The following FER variants were observed in gnomAD, a reference collection of about 807,000 sequenced individuals.
FER encodes the protein tyrosine-protein kinase Fer.
A neutral mutation model predicts 111.0 loss-of-function variants in FER; 63 were observed. The ratio of observed to expected loss-of-function variants is 0.57; its 90% confidence interval spans 0.46 to 0.70. FER has a LOEUF of 0.70. FER is among the 30% of genes least tolerant of loss of function. The pLI is 0.00. For missense variants in FER, 914 were observed against 954.0 expected, an observed-to-expected ratio of 0.96 and a Z score of 0.55; for synonymous variants, 327 against 313.9, an observed-to-expected ratio of 1.04 and a Z score of -0.44.
chr5:109,053,910 C>T (rs1773258958), intron 16 of FER, among the ~76,000 whole-genome samples: 1 of 151,980 alleles, frequency 6.6e-6, no homozygotes, highest in Non-Finnish European at 1.5e-5. Flanking sequence ...CCAGGATGGT[C>T]TCGATCTCCT....
chr5:109,080,766 A>C (rs974060522), intron 16 of FER, among the ~76,000 whole-genome samples: 1 of 152,144 alleles, frequency 6.6e-6, no homozygotes, highest in Non-Finnish European at 1.5e-5. Flanking sequence ...TGAGTAAAAC[A>C]TTATTCTCAG....
chr5:109,146,592 A>T (rs1754242961), intron 17 of FER, among the ~76,000 whole-genome samples: 1 of 151,954 alleles, frequency 6.6e-6, no homozygotes, highest in African/African-American at 2.4e-5. Flanking sequence ...TTAAATTATG[A>T]ACATATATGA....
At chr5:108,880,216 C>T (rs1765547359) in intron 8 of FER, among the ~76,000 whole-genome samples, 1 of 151,774 alleles carries the variant, frequency 6.6e-6, no homozygotes, top group South Asian at 2.1e-4. Flanking sequence ...GGAAAATTAA[C>T]CAGGAAGAGA....
intron 9 of FER, among the ~76,000 whole-genome samples, chr5:108,887,413 A>G (rs922317949): frequency 2.6e-5 from 4 of 151,748 alleles, no homozygotes; most frequent in African/African-American, 9.7e-5. Flanking sequence ...AATAAACTTC[A>G]AGAATGGCTT....
At chr5:108,793,519 C>CGGGGGGGGGGGG (rs144848588) in intron 2 of FER, among the ~76,000 whole-genome samples, 1 of 103,152 alleles carries the variant, frequency 9.7e-6, no homozygotes. Context: ...TTTGGCGGGG[C>CGGGGGGGGGGGG]GGGGGGGGTG....
At chr5:108,893,077 A>G (rs1748415240) in intron 9 of FER, among the ~76,000 whole-genome samples, 1 of 152,092 alleles carries the variant, frequency 6.6e-6, no homozygotes, top group African/African-American at 2.4e-5. Context: ...GTAGCCTTGT[A>G]GTATAGTTTG....
At chr5:109,157,854 A>G (rs1755567306) in intron 17 of FER, among the ~76,000 whole-genome samples, 1 of 152,076 alleles carries the variant, frequency 6.6e-6, no homozygotes, top group Admixed American at 6.6e-5. Context: ...TTGAGGTTCC[A>G]ACTCACATAA....
chr5:108,824,879 A>G (rs1759286046), intron 3 of FER, among the ~76,000 whole-genome samples: 1 of 152,156 alleles, frequency 6.6e-6, no homozygotes, highest in Non-Finnish European at 1.5e-5. Context: ...AGGACAGAGT[A>G]CAAAAGAGAT....
intron 13 of FER, among the ~76,000 whole-genome samples, chr5:109,031,551 T>G (rs544171272): frequency 4.6e-5 from 7 of 152,306 alleles, no homozygotes; most frequent in African/African-American, 1.4e-4. Flanking sequence ...TCTATAAGAT[T>G]AAGTGAATAC....
intron 5 of FER, among the ~76,000 whole-genome samples, chr5:108,864,176 TA>T (rs148809030): frequency 1.3e-5 from 2 of 152,152 alleles, no homozygotes. Context: ...TTAAACTCTT[TA>T]AAAAAATTAT....
At chr5:109,146,271 T>TATATATATATTATCTATCTA (rs1561954056) in intron 17 of FER, among the ~76,000 whole-genome samples, 12 of 55,010 alleles carry the variant, frequency 2.2e-4, no homozygotes, top group Admixed American at 8.4e-4. Flanking sequence ...TATATATATA[T>TATATATATATTATCTATCTA]ATATATATAT....
At chr5:108,810,965 A>G (rs1458139484) in intron 3 of FER, among the ~76,000 whole-genome samples, 1 of 151,772 alleles carries the variant, frequency 6.6e-6, no homozygotes, top group East Asian at 1.9e-4. Context: ...AGAGGGCCCT[A>G]TTGCCCCATG....
chr5:108,762,409 A>G (rs1275642269), intron 1 of FER, among the ~76,000 whole-genome samples: 13 of 152,128 alleles, frequency 8.5e-5, no homozygotes, highest in Admixed American at 7.2e-4. Context: ...CCCTACTTCT[A>G]TCATCCTGGT....
intron 9 of FER, among the ~76,000 whole-genome samples, chr5:108,890,618 C>T (rs1747885113): frequency 6.6e-6 from 1 of 151,996 alleles, no homozygotes; most frequent in South Asian, 2.1e-4. Flanking sequence ...CAGTCTTTTC[C>T]ATTAATGGCC....
At chr5:108,769,916 T>A (rs1407270408) in intron 2 of FER, among the ~76,000 whole-genome samples, 1 of 151,890 alleles carries the variant, frequency 6.6e-6, no homozygotes, top group Non-Finnish European at 1.5e-5. Context: ...TAATACTTTA[T>A]TTTGCTTTTT....
chr5:108,984,268 G>A (rs1458170194), intron 13 of FER, among the ~76,000 whole-genome samples: 1 of 151,940 alleles, frequency 6.6e-6, no homozygotes, highest in African/African-American at 2.4e-5. Context: ...AGATCTAGAG[G>A]AATATAGAAA....
At chr5:108,865,689 G>C (rs1235527470) in intron 5 of FER, among the ~76,000 whole-genome samples, 2 of 152,120 alleles carry the variant, frequency 1.3e-5, no homozygotes, top group African/African-American at 4.8e-5. Context: ...CTACTCATCT[G>C]ACAAAGGGCT....
chr5:108,756,170 A>T (rs899700371), intron 1 of FER, among the ~76,000 whole-genome samples: 32 of 143,282 alleles, frequency 2.2e-4, no homozygotes, highest in Admixed American at 4.1e-4. Flanking sequence ...AAAAAAAAAA[A>T]AAATAATAAT....
chr5:108,791,181 T>A (rs1185689818), intron 2 of FER, among the ~76,000 whole-genome samples: 1 of 152,216 alleles, frequency 6.6e-6, no homozygotes, highest in Non-Finnish European at 1.5e-5. Flanking sequence ...AATTTCTGGA[T>A]CATATGCTAA....
Sources: gnomAD v4.1 joint callset for allele counts (sites outside exome capture counted in the v4.1 genomes callset) on GRCh38, gnomAD v4.1.1 for gene constraint, MANE v1.5 for transcripts, NCBI Gene and HGNC (gene_info 2026-07-23, HGNC 2026-07-21) for gene names.